The following TMEM178B variants were observed in gnomAD, a reference collection of about 807,000 sequenced individuals.
TMEM178B encodes transmembrane protein 178B.
Under a neutral mutation model 31.0 loss-of-function variants are expected in TMEM178B, and 5 were observed. The ratio of observed to expected loss-of-function variants is 0.16; its 90% CI spans 0.08 to 0.34. The LOEUF (loss-of-function observed/expected upper bound fraction) is 0.34. TMEM178B is among the 10% of genes least tolerant of loss of function. TMEM178B has a pLI of 1.00. For missense variants in TMEM178B, 275 were observed against 400.3 expected (o/e 0.69, Z 2.67); for synonymous variants, 164 against 164.0 (o/e 1.00, Z 0.00).
intron 2 of TMEM178B, among the ~76,000 whole-genome samples, chr7:141,423,972 C>T (rs1219585008): frequency 6.7e-6 from 1 of 148,842 alleles, no homozygotes; most frequent in Non-Finnish European, 1.5e-5. Flanking sequence ...CCATGCCCAG[C>T]TAATTTTTTT....
chr7:141,313,360 C>T (rs1450536458), intron 2 of TMEM178B, among the ~76,000 whole-genome samples: 1 of 152,122 alleles, frequency 6.6e-6, no homozygotes, highest in African/African-American at 2.4e-5. Context: ...ACGGTTTGCT[C>T]TCACCCTCAT....
chr7:141,448,501 CT>C (rs1160358781), intron 3 of TMEM178B, among the ~76,000 whole-genome samples: 1 of 152,138 alleles, frequency 6.6e-6, no homozygotes, highest in Non-Finnish European at 1.5e-5. Flanking sequence ...GTTGGTGGAT[CT>C]TTTGGAAAGT....
intron 2 of TMEM178B, among the ~76,000 whole-genome samples, chr7:141,272,810 G>A (rs1330121192): frequency 1.3e-5 from 2 of 152,212 alleles, no homozygotes; most frequent in African/African-American, 2.4e-5. Flanking sequence ...AGAACAGCAT[G>A]AAGGTTCCTC....
At chr7:141,256,551 TA>T in intron 2 of TMEM178B, among the ~76,000 whole-genome samples, 1 of 152,302 alleles carries the variant, frequency 6.6e-6, no homozygotes, top group East Asian at 1.9e-4. Context: ...CAAGTTCATG[TA>T]ACCTACAGCA....
At chr7:141,446,130 G>A (rs542543531) in intron 3 of TMEM178B, among the ~76,000 whole-genome samples, 7 of 152,310 alleles carry the variant, frequency 4.6e-5, no homozygotes, top group South Asian at 2.1e-4. Context: ...TGTACCTCAC[G>A]TAGAATGAGT....
chr7:141,108,349 T>C (rs2129174717), intron 1 of TMEM178B, among the ~76,000 whole-genome samples: 1 of 152,022 alleles, frequency 6.6e-6, no homozygotes, highest in African/African-American at 2.4e-5. Flanking sequence ...ATCGTTAGAG[T>C]GATGTTATTG....
At chr7:141,231,422 G>A (rs1056300330) in intron 2 of TMEM178B, among the ~76,000 whole-genome samples, 1 of 152,054 alleles carries the variant, frequency 6.6e-6, no homozygotes, top group Non-Finnish European at 1.5e-5. Context: ...ATCCATTAAT[G>A]TAATCAATGA....
intron 2 of TMEM178B, among the ~76,000 whole-genome samples, chr7:141,249,187 C>T (rs149829279): frequency 5.3e-5 from 8 of 152,208 alleles, no homozygotes; most frequent in Non-Finnish European, 8.8e-5. Flanking sequence ...AGTGGGAGAT[C>T]GTTGAATCAT....
At chr7:141,485,163 C>CT (rs1259354201), downstream of TMEM178B, among the ~76,000 whole-genome samples, 2 of 152,164 alleles carry the variant, frequency 1.3e-5, no homozygotes, top group Non-Finnish European at 2.9e-5. Context: ...GAGGAGCTTG[C>CT]TTTTGCCTCT....
chr7:141,126,664 A>G (rs1795502311), intron 1 of TMEM178B, among the ~76,000 whole-genome samples: 1 of 152,240 alleles, frequency 6.6e-6, no homozygotes, highest in Non-Finnish European at 1.5e-5. Context: ...CATGCCTGGA[A>G]GATAATGACA....
chr7:141,277,754 G>T (rs1586865916), intron 2 of TMEM178B, among the ~76,000 whole-genome samples: 1 of 152,122 alleles, frequency 6.6e-6, no homozygotes, highest in African/African-American at 2.4e-5. Flanking sequence ...AAGTCTTCAG[G>T]TGCTTGCCCC....
At chr7:141,356,846 T>C (rs1396469085) in intron 2 of TMEM178B, among the ~76,000 whole-genome samples, 1 of 152,100 alleles carries the variant, frequency 6.6e-6, no homozygotes, top group African/African-American at 2.4e-5. Flanking sequence ...ACATATTCTC[T>C]GGATCCTGCA....
At chr7:141,088,741 G>T (rs913230548) in intron 1 of TMEM178B, among the ~76,000 whole-genome samples, 14 of 152,068 alleles carry the variant, frequency 9.2e-5, no homozygotes, top group Non-Finnish European at 1.6e-4. Context: ...AGAATTGTGT[G>T]TTCATATCCT....
chr7:141,387,027 C>T (rs1245375066), intron 2 of TMEM178B, among the ~76,000 whole-genome samples: 2 of 152,088 alleles, frequency 1.3e-5, no homozygotes, highest in Admixed American at 6.5e-5. Flanking sequence ...GGTTGGGATG[C>T]TTATGAGGGT....
intron 1 of TMEM178B, among the ~76,000 whole-genome samples, chr7:141,088,629 G>A (rs1197757551): frequency 1.3e-5 from 2 of 151,952 alleles, no homozygotes; most frequent in African/African-American, 4.8e-5. Context: ...ATCACCCATG[G>A]GTCCAAAGGA....
chr7:141,374,242 C>T, intron 2 of TMEM178B, among the ~76,000 whole-genome samples: 1 of 152,170 alleles, frequency 6.6e-6, no homozygotes, highest in South Asian at 2.1e-4. Context: ...AACGGGATTC[C>T]ACCAGCAGGT....
chr7:141,228,818 G>A (rs931395057), intron 2 of TMEM178B, among the ~76,000 whole-genome samples: 16 of 152,078 alleles, frequency 1.1e-4, no homozygotes, highest in African/African-American at 3.9e-4. Context: ...CTGTCTCCAT[G>A]CTTACTATTG....
chr7:141,214,953 G>C (rs1797107995), intron 2 of TMEM178B, among the ~76,000 whole-genome samples: 1 of 152,172 alleles, frequency 6.6e-6, no homozygotes, highest in Non-Finnish European at 1.5e-5. Context: ...CTAATGGGCT[G>C]TTAAGCAGAG....
intron 2 of TMEM178B, among the ~76,000 whole-genome samples, chr7:141,319,440 G>T (rs577837347): frequency 6.6e-6 from 1 of 152,330 alleles, no homozygotes; most frequent in South Asian, 2.1e-4. Flanking sequence ...GGCCTGGGGG[G>T]AGTTTAGGCA....
Sources: gnomAD v4.1 joint callset for allele counts (sites outside exome capture counted in the v4.1 genomes callset) on GRCh38, gnomAD v4.1.1 for gene constraint, MANE v1.5 for transcripts, NCBI Gene and HGNC (gene_info 2026-07-23, HGNC 2026-07-21) for gene names.